Variants in ORC2 observed in about 807,000 individuals in gnomAD.
ORC2 encodes the protein origin recognition complex subunit 2, also known as origin recognition complex protein 2 homolog.
A neutral mutation model predicts 77.7 loss-of-function variants in ORC2; 37 were observed. The observed-to-expected ratio is 0.48, with a 90% CI of 0.37 to 0.63. ORC2 has a LOEUF of 0.63. Ranked by LOEUF, ORC2 falls within the 20% of genes least tolerant of loss-of-function variation. ORC2 has a pLI of 0.00. For missense variants in ORC2, 557 were observed against 661.9 expected (o/e 0.84, Z 1.74); for synonymous variants, 201 against 229.5 (o/e 0.88, Z 1.12).
At chr2:200,926,611 T>C (rs1043750388) in intron 12 of ORC2, among the ~76,000 whole-genome samples, 157 bp downstream of exon 12, 1 of 152,240 alleles carries the variant, frequency 6.6e-6, no homozygotes, top group African/African-American at 2.4e-5. Context: ...GTTTCAAAGC[T>C]AGATTCTTGA....
chr2:200,929,161 G>A (rs551401230), intron 11 of ORC2, among the ~76,000 whole-genome samples: 1 of 152,214 alleles, frequency 6.6e-6, no homozygotes, highest in East Asian at 1.9e-4. Context: ...ATGTTGGTCA[G>A]GCTGGTCTGG....
rs989719194 is a variant in ORC2, at chr2:200,910,663, A to G, written c.*638T>C. 7.2e-5 allele frequency: 11 copies of G among 152,188 alleles called. No individual in the cohort carries two copies. The highest frequency in any genetic ancestry group is 3.3e-4 in the Admixed American group (5 of 15,260). The allele number at this position is 152,188 out of a possible 1,614,324, so 9.4% of individuals were successfully genotyped here. A position where few individuals can be genotyped will look rare whatever the true frequency, so the allele number is the denominator to read the frequency against. On this transcript the variant is annotated 3_prime_UTR_variant, in exon 18 of 18. Transcript: ENST00000234296. The stretch of plus-strand genomic sequence containing the variant: ...TTTCTAGGCTGGGTAGATACCCTAT[A>G]TACTCTGTTTTTCCCATTATCCCAA...
At chr2:200,926,641 A>T in intron 12 of ORC2, 127 bp downstream of exon 12, 1 of 786,110 alleles carries the variant, frequency 1.3e-6, no homozygotes, top group Admixed American at 2.4e-5. Flanking sequence ...CATGGTATTA[A>T]GCACTATACA....
intron 4 of ORC2, among the ~76,000 whole-genome samples, chr2:200,956,215 G>A (rs529747293): frequency 5.3e-5 from 8 of 151,412 alleles, no homozygotes; most frequent in Admixed American, 1.3e-4. Context: ...ACAGGCACAC[G>A]CCACCATGCT....
intron 13 of ORC2, 50 bp downstream of exon 13, chr2:200,925,786 G>T (rs2040829111): frequency 1.3e-6 from 1 of 760,860 alleles, no homozygotes; most frequent in Non-Finnish European, 2.3e-6. Context: ...ATAAGTAGAA[G>T]TATATGCTTA....
Position 200,951,511 on chromosome 2 carries a change from C to T in ORC2, c.239-1868G>A, listed in dbSNP as rs140996075. The stretch of plus-strand genomic sequence containing the variant: ...TAAATGAGTTCTTGCTGCTCCACAT[C>T]CTAATCAGTATTTGGTGGTATTCGT... On this transcript the variant is annotated intron_variant, in intron 4 of 17. Transcript: ENST00000234296. 4.6e-3 allele frequency among the ~76,000 whole-genome samples: 703 copies of T among 152,288 alleles called. 4 individuals carry two copies. The highest frequency in any genetic ancestry group is 0.016 in the African/African-American group (657 of 41,556).
chr2:200,938,371 A>G (rs747568061), intron 7 of ORC2, among the ~76,000 whole-genome samples: 2 of 152,188 alleles, frequency 1.3e-5, no homozygotes, highest in African/African-American at 2.4e-5. Flanking sequence ...TGTAGCAATC[A>G]TAAGTATGAA....
rs780983717 is a variant in ORC2, at chr2:200,937,978, T to C, written c.454-12A>G. ...CTTTTGTCATTGTTCTGTTTAGAAA[T>C]AGAAAAAGCATTAAATAATAACATG... On this transcript the variant is annotated splice_polypyrimidine_tract_variant and intron_variant, in intron 7 of 17. Coordinates refer to ENST00000234296, the MANE Select transcript of ORC2 (RefSeq NM_006190.5). 15 of 1,565,620 alleles carry C rather than the reference T, an allele frequency of 9.6e-6. No homozygotes were observed. The highest frequency in any genetic ancestry group is 1.1e-5 in the Non-Finnish European group (13 of 1,143,870).
intron 6 of ORC2, 90 bp from the exon 7 acceptor site, chr2:200,941,369 A>G: frequency 1.7e-6 from 2 of 1,189,796 alleles, no homozygotes; most frequent in South Asian, 1.4e-5. Context: ...TTTGCCAGGC[A>G]TGGTGGCTCA....
chr2:200,959,150 G>A (rs1246974872), intron 2 of ORC2, among the ~76,000 whole-genome samples: 1 of 151,978 alleles, frequency 6.6e-6, no homozygotes, highest in African/African-American at 2.4e-5. Flanking sequence ...TGCTTGGCAG[G>A]TTTTCCTTTT....
intron 15 of ORC2, among the ~76,000 whole-genome samples, chr2:200,917,034 G>A (rs568451701): frequency 7.7e-6 from 1 of 129,328 alleles, no homozygotes; most frequent in African/African-American, 3.1e-5. Flanking sequence ...TCACTCTGTT[G>A]CACAGGCTGG....
chr2:200,934,490 AT>A (rs1202983855), intron 9 of ORC2, among the ~76,000 whole-genome samples: 14 of 144,070 alleles, frequency 9.7e-5, no homozygotes, highest in African/African-American at 2.8e-4. Context: ...AATTTTTTAA[AT>A]TGTTTTTTTT....
At chr2:200,912,671 C>T (rs1424122589) in intron 17 of ORC2, among the ~76,000 whole-genome samples, 2 of 152,076 alleles carry the variant, frequency 1.3e-5, no homozygotes, top group South Asian at 2.1e-4. Context: ...CTACCCACCT[C>T]GGCCTCCCAA....
intron 17 of ORC2, 79 bp downstream of exon 17, chr2:200,913,216 T>C: frequency 9.5e-7 from 1 of 1,054,048 alleles, no homozygotes. Context: ...AAATCAGGTC[T>C]AAGTCAAACA....
At chr2:200,914,466 C>T (rs17435752) in intron 15 of ORC2, among the ~76,000 whole-genome samples, 3 of 152,078 alleles carry the variant, frequency 2.0e-5, no homozygotes, top group Non-Finnish European at 4.4e-5. Flanking sequence ...GTACCCGGCC[C>T]GCTTTTTTAT....
rs1340213244 is a variant in ORC2, at chr2:200,949,589, T to C, written c.293A>G (p.Gln98Arg). 1.2e-6 allele frequency: 2 copies of C among 1,600,572 alleles called. No homozygotes were observed. Among genetic ancestry groups the C allele is most frequent in the Admixed American group, 1.7e-5 (1 of 59,538 alleles). Reference sequence around the variant, plus strand: ...CATCTTTTCAGAGTGTTTTCTATTCTGAAAAGAATAAACTTTATTTCCACC... The same window carrying C: ...CATCTTTTCAGAGTGTTTTCTATTCCGAAAAGAATAAACTTTATTTCCACC... ...TGGGNKVYSF[Q>R]NRKHSEKMAK... Residue 98 changes from glutamine to arginine, a missense_variant, in exon 5 of 18, where the codon CAG becomes CGG. Physicochemically the swap from Gln to Arg is conservative, Grantham distance 43. Transcript: ENST00000234296.
chr2:200,922,817 G>A (rs1415175006), intron 13 of ORC2, among the ~76,000 whole-genome samples: 1 of 152,160 alleles, frequency 6.6e-6, no homozygotes, highest in Non-Finnish European at 1.5e-5. Context: ...GCTCTTACAA[G>A]GATCTGTGGT....
At position 200,914,005 on chromosome 2, in the gene ORC2, A is replaced by G; in HGVS notation, c.1467-13T>C. The G allele has an allele frequency of 1.3e-6, 2 of 1,530,012 alleles. No homozygotes were observed. The highest frequency in any genetic ancestry group is 1.8e-6 in the Non-Finnish European group (2 of 1,123,106). The allele number at this position is 1,530,012 out of a possible 1,614,324, so 94.8% of individuals were successfully genotyped here. A position where few individuals can be genotyped will look rare whatever the true frequency, so the allele number is the denominator to read the frequency against. On this transcript the variant is annotated splice_polypyrimidine_tract_variant and intron_variant, in intron 15 of 17. Coordinates refer to ENST00000234296, the MANE Select transcript of ORC2 (RefSeq NM_006190.5). ...CCTGAAAATTCCCCTAAAAAAAAAA[A>G]AAAACAGGAATTTAAATCCAAAAAT...
Position 200,925,884 on chromosome 2 carries a change from G to A in ORC2, c.1099C>T (p.Arg367Cys), listed in dbSNP as rs754864595. The change falls in exon 13 of 18, where the codon CGC becomes TGC. Residue 367 changes from arginine to cysteine, a missense_variant. Arg to Cys is a radical substitution (Grantham distance 180, BLOSUM62 -3). Transcript: ENST00000234296. Reference protein sequence around the residue: ...EEVLDHMGTFRSILDQLDWIV... With the variant: ...EEVLDHMGTFCSILDQLDWIV... ...CAGTCTAGCTGATCCAGTATACTGC[G>A]GAAAGTACCCATATGATCGAGGACT... 44 of 1,601,110 alleles carry A rather than the reference G, an allele frequency of 2.7e-5. No individual in the cohort carries two copies. The highest frequency in any genetic ancestry group is 4.5e-5 in the East Asian group (2 of 44,604).
Sources: gnomAD v4.1 joint callset for allele counts (sites outside exome capture counted in the v4.1 genomes callset) on GRCh38, gnomAD v4.1.1 for gene constraint, MANE v1.5 for transcripts, NCBI Gene and HGNC (gene_info 2026-07-23, HGNC 2026-07-21) for gene names.